RARB: variants seen among roughly 807,000 people sequenced by gnomAD.
RARB encodes the protein retinoic acid receptor beta, also known as HBV-activated protein.
RARB carries 17 observed loss-of-function variants against 51.9 expected under a neutral mutation model. That is an observed-to-expected ratio of 0.33 (90% CI 0.22 to 0.49). The LOEUF (loss-of-function observed/expected upper bound fraction) is 0.49, where lower values mean the gene tolerates loss of function less well. Among genes scored for constraint, RARB ranks in the 20% least tolerant of loss-of-function variants. RARB has a pLI of 0.99. For synonymous variants in RARB, 215 were observed against 195.4 expected (o/e 1.10, Z -0.84); for missense variants, 369 against 550.8 (o/e 0.67, Z 3.30).
chr3:25,295,911 A>G (rs1681549), intron 5 of RARB, among the ~76,000 whole-genome samples: 114,521 of 152,174 alleles, frequency 0.75, 43,234 homozygotes, highest in East Asian at 0.92. Context: ...TCAGGACGGG[A>G]ACAAGGATAT....
At chr3:25,225,135 C>T (rs1702027753) in intron 5 of RARB, among the ~76,000 whole-genome samples, 1 of 152,152 alleles carries the variant, frequency 6.6e-6, no homozygotes, top group Non-Finnish European at 1.5e-5. Flanking sequence ...TGACTCCCTT[C>T]ATCTCTCCAT....
At chr3:24,958,902 G>A (rs183310526) in intron 2 of RARB, among the ~76,000 whole-genome samples, 2 of 152,334 alleles carry the variant, frequency 1.3e-5, no homozygotes, top group Admixed American at 1.3e-4. Flanking sequence ...CATGACAGGA[G>A]TGCCTTGCTT....
chr3:25,122,641 G>A (rs80103091), intron 3 of RARB, among the ~76,000 whole-genome samples: 379 of 152,228 alleles, frequency 2.5e-3, no homozygotes, highest in African/African-American at 8.6e-3. Flanking sequence ...CTTTCCTCAT[G>A]TTCTAGCTCT....
intron 5 of RARB, among the ~76,000 whole-genome samples, chr3:25,392,701 A>T (rs1032176816): frequency 5.3e-5 from 8 of 151,964 alleles, no homozygotes; most frequent in African/African-American, 1.9e-4. Flanking sequence ...GTCACTGTAG[A>T]TGCATAGCAG....
chr3:24,949,448 G>C (rs1400697200), intron 2 of RARB, among the ~76,000 whole-genome samples: 1 of 152,102 alleles, frequency 6.6e-6, no homozygotes, highest in East Asian at 1.9e-4. Flanking sequence ...AGGAGGAAAG[G>C]GAAATTGTTA....
intron 5 of RARB, among the ~76,000 whole-genome samples, chr3:25,297,855 C>G (rs1301394997): frequency 6.6e-6 from 1 of 152,090 alleles, no homozygotes; most frequent in Non-Finnish European, 1.5e-5. Flanking sequence ...TTTTTAGAGG[C>G]TTTTTGAAAT....
At position 25,070,462 on chromosome 3, in the gene RARB, T is replaced by G. The variant is rs560436663; in HGVS notation, c.-328+10286T>G. Among the ~76,000 whole-genome samples the G allele has an allele frequency of 1.2e-4, 19 of 152,316 alleles. No individual in the cohort carries two copies. In the South Asian group the frequency reaches 3.9e-3, roughly 32 times the overall value. On this transcript the variant is annotated intron_variant, in intron 3 of 11. Coordinates refer to the RARB transcript ENST00000383772. The stretch of plus-strand genomic sequence containing the variant: ...TTTTCTAATTCAGTTCAATAAGCAC[T>G]TAACTAGAAATCACTGGTATCAAGG...
intron 2 of RARB, among the ~76,000 whole-genome samples, chr3:25,497,808 G>C (rs1169012937): frequency 6.6e-6 from 1 of 152,166 alleles, no homozygotes; most frequent in Non-Finnish European, 1.5e-5. Context: ...CTCCAGATGT[G>C]TCTAACCATC....
At chr3:25,346,574 C>A (rs898901654) in intron 5 of RARB, among the ~76,000 whole-genome samples, 1 of 152,168 alleles carries the variant, frequency 6.6e-6, no homozygotes, top group Admixed American at 6.6e-5. Flanking sequence ...AAACTTCATC[C>A]CATGGCTGAT....
chr3:25,182,359 G>A (rs1169335610), intron 5 of RARB, among the ~76,000 whole-genome samples: 3 of 152,188 alleles, frequency 2.0e-5, no homozygotes, highest in Non-Finnish European at 4.4e-5. Context: ...ATGGGGTACT[G>A]GGCATGGTGC....
intron 3 of RARB, among the ~76,000 whole-genome samples, chr3:25,548,067 G>A (rs191536087): frequency 9.0e-4 from 134 of 148,142 alleles, no homozygotes; most frequent in African/African-American, 3.1e-3. Flanking sequence ...CCCTCCCCCT[G>A]TAAAATATAT....
At chr3:25,121,422 A>G (rs1212221990) in intron 3 of RARB, among the ~76,000 whole-genome samples, 1 of 152,218 alleles carries the variant, frequency 6.6e-6, no homozygotes, top group African/African-American at 2.4e-5. Context: ...TTCAACTTTA[A>G]TAGTTGGAAA....
At chr3:24,933,551 C>T (rs765275837) in intron 2 of RARB, among the ~76,000 whole-genome samples, 26 of 151,956 alleles carry the variant, frequency 1.7e-4, no homozygotes, top group Non-Finnish European at 3.1e-4. Context: ...AGGCAGGAGA[C>T]GCAGTAAGGG....
chr3:25,477,420 A>T (rs1432659498), intron 2 of RARB, among the ~76,000 whole-genome samples: 1 of 152,200 alleles, frequency 6.6e-6, no homozygotes, highest in Admixed American at 6.5e-5. Flanking sequence ...CTTATCAATT[A>T]TTCAGGTTAC....
At chr3:25,358,791 G>C (rs1013107659) in intron 5 of RARB, among the ~76,000 whole-genome samples, 2 of 152,134 alleles carry the variant, frequency 1.3e-5, no homozygotes, top group South Asian at 4.1e-4. Flanking sequence ...TCATTGATTT[G>C]CATATGTTGA....
At chr3:25,445,431 G>A (rs1283376391) in intron 1 of RARB, among the ~76,000 whole-genome samples, 6 of 152,244 alleles carry the variant, frequency 3.9e-5, no homozygotes, top group Admixed American at 6.5e-5. Context: ...TAGGAAGGCC[G>A]AGACAGGTGG....
chr3:25,569,538 G>A (rs1256850213), intron 3 of RARB, among the ~76,000 whole-genome samples: 3 of 152,158 alleles, frequency 2.0e-5, no homozygotes, highest in South Asian at 2.1e-4. Context: ...AACAACTGAC[G>A]GGCACATGCA....
intron 5 of RARB, among the ~76,000 whole-genome samples, chr3:25,371,725 C>T (rs1403639896): frequency 6.6e-6 from 1 of 152,220 alleles, no homozygotes; most frequent in Non-Finnish European, 1.5e-5. Flanking sequence ...CTTTACTGTA[C>T]AAACATGAAG....
intron 2 of RARB, among the ~76,000 whole-genome samples, chr3:25,043,533 T>A (rs1364652673): frequency 2.0e-5 from 3 of 152,238 alleles, no homozygotes; most frequent in African/African-American, 7.2e-5. Flanking sequence ...AAATTTGGAC[T>A]GATGTATTAA....
Sources: allele counts gnomAD v4.1 joint callset (sites outside exome capture counted in the v4.1 genomes callset), GRCh38; gene constraint gnomAD v4.1.1; transcripts MANE v1.5; gene names NCBI Gene and HGNC (gene_info 2026-07-23, HGNC 2026-07-21).